Variants in KIF21A observed in about 807,000 individuals in gnomAD.
KIF21A encodes kinesin family member 21A.
A neutral mutation model predicts 202.9 loss-of-function variants in KIF21A; 114 were observed. The observed-to-expected ratio is 0.56, with a 90% CI of 0.48 to 0.66. The LOEUF (loss-of-function observed/expected upper bound fraction) is 0.66, where lower values mean the gene tolerates loss of function less well. KIF21A is among the 30% of genes least tolerant of loss of function. The pLI is 0.00. For missense variants in KIF21A, 1,677 were observed against 1,994.9 expected (o/e 0.84, Z 3.04); for synonymous variants, 667 against 670.8 (o/e 0.99, Z 0.09).
At chr12:39,425,308 TCA>T (rs535568941) in intron 1 of KIF21A, among the ~76,000 whole-genome samples, 333 of 152,332 alleles carry the variant, frequency 2.2e-3, no homozygotes, top group Non-Finnish European at 4.0e-3. Context: ...CTTGTCTTGC[TCA>T]CATCTGTACC....
chr12:39,390,756 CA>C, intron 1 of KIF21A, among the ~76,000 whole-genome samples: 1 of 152,074 alleles, frequency 6.6e-6, no homozygotes, highest in East Asian at 1.9e-4. Context: ...TGGAAAAAAA[CA>C]ACAATATATG....
At chr12:39,425,844 T>G (rs1658096327) in intron 1 of KIF21A, among the ~76,000 whole-genome samples, 1 of 151,854 alleles carries the variant, frequency 6.6e-6, no homozygotes, top group South Asian at 2.1e-4. Flanking sequence ...AGAGCCCATT[T>G]TCCTCAGGAA....
intron 1 of KIF21A, among the ~76,000 whole-genome samples, chr12:39,411,560 T>G (rs1953081152): frequency 6.6e-6 from 1 of 152,216 alleles, no homozygotes; most frequent in East Asian, 1.9e-4. Context: ...AGGGTCTTCC[T>G]CTGTCACCCC....
At chr12:39,323,316 T>C (rs915849731) in intron 26 of KIF21A, among the ~76,000 whole-genome samples, 10 of 150,520 alleles carry the variant, frequency 6.6e-5, no homozygotes, top group African/African-American at 2.2e-4. Flanking sequence ...CCTCAACATA[T>C]AATTAAAAAA....
chr12:39,416,661 A>ATG (rs745853112), intron 1 of KIF21A, among the ~76,000 whole-genome samples: 1 of 103,584 alleles, frequency 9.7e-6, no homozygotes, highest in Non-Finnish European at 1.8e-5. Context: ...ATATATGTGT[A>ATG]TATATATATG....
chr12:39,432,121 C>T (rs187078124), intron 1 of KIF21A, among the ~76,000 whole-genome samples: 3 of 152,236 alleles, frequency 2.0e-5, no homozygotes, highest in African/African-American at 7.2e-5. Flanking sequence ...AAAATAAACA[C>T]CTTAGAAACT....
intron 37 of KIF21A, among the ~76,000 whole-genome samples, chr12:39,299,585 A>G (rs1942766447): frequency 6.6e-6 from 1 of 152,220 alleles, no homozygotes; most frequent in Admixed American, 6.5e-5. Flanking sequence ...CATTTGACTC[A>G]GCAATCTCAT....
At chr12:39,400,718 C>T (rs1429141608) in intron 1 of KIF21A, among the ~76,000 whole-genome samples, 4 of 152,122 alleles carry the variant, frequency 2.6e-5, no homozygotes, top group African/African-American at 7.2e-5. Flanking sequence ...CTGATAGAGT[C>T]AAGAACTATC....
intron 1 of KIF21A, among the ~76,000 whole-genome samples, chr12:39,408,329 T>G (rs1952777509): frequency 6.6e-6 from 1 of 152,098 alleles, no homozygotes; most frequent in African/African-American, 2.4e-5. Flanking sequence ...CCTATGATAA[T>G]TTAATGCCAC....
chr12:39,340,970 T>G lies in KIF21A; in HGVS notation c.2046A>C (p.Leu682=), dbSNP rs1437083572. 1 of 1,613,236 alleles carries G rather than the reference T, an allele frequency of 6.2e-7. No individual in the cohort carries two copies. The highest frequency in any genetic ancestry group is 8.5e-7 in the Non-Finnish European group (1 of 1,179,554). ...CCCGAATTTTATGTTGCAGCATCATTAGCTTCTCTTCATACTGCTTTTTCA... is the reference window on the plus strand; with the variant it reads ...CCCGAATTTTATGTTGCAGCATCATGAGCTTCTCTTCATACTGCTTTTTCA... The part of the protein sequence containing the change: ...QTLKKQYEEK[L]MMLQHKIRDT... Residue 682 remains leucine, a synonymous_variant, in exon 15 of 38, where the codon CTA becomes CTC. Coordinates refer to ENST00000361418, the MANE Select transcript of KIF21A (RefSeq NM_001173464.2).
chr12:39,371,907 C>T lies in KIF21A; in HGVS notation c.45-1646G>A, dbSNP rs546240660. ...CAGCACCACTGCACTCCAGCCTGGG[C>T]GACAGAGTAAGTGAGAATCCGTCTC... On this transcript the variant is annotated intron_variant, in intron 1 of 37. Transcript: ENST00000361418. Among the ~76,000 whole-genome samples the T allele has an allele frequency of 6.8e-5, 10 of 147,772 alleles. No individual in the cohort carries two copies. In the East Asian group the frequency reaches 1.8e-3, roughly 26 times the overall value.
rs764790302 is a variant in KIF21A at position 39,326,298 on chromosome 12, C to T, written c.3367G>A (p.Asp1123Asn). The T allele has an allele frequency of 1.2e-6, 2 of 1,612,232 alleles. No individual in the cohort carries two copies. Among genetic ancestry groups the T allele is most frequent in the Non-Finnish European group, 8.5e-7 (1 of 1,178,550 alleles). ...LENVEDSTDE[D>N]APLNSPGSEG... ...GATCCTGGGCTGTTTAAAGGAGCAT[C>T]CTCATCAGTACTATCCTCTACATTT... Residue 1123 changes from aspartate (D) to asparagine (N), a missense_variant, in exon 25 of 38, where the codon GAT becomes AAT. By Grantham distance (23) the Asp-to-Asn change is conservative (BLOSUM62 1). Transcript: ENST00000361418.
chr12:39,405,064 T>C (rs1249776726), intron 1 of KIF21A, among the ~76,000 whole-genome samples: 2 of 152,106 alleles, frequency 1.3e-5, no homozygotes, highest in Non-Finnish European at 2.9e-5. Flanking sequence ...GGTAAAAATA[T>C]ACTTGAAGGC....
intron 1 of KIF21A, among the ~76,000 whole-genome samples, chr12:39,378,762 A>G (rs1950420667): frequency 6.6e-6 from 1 of 152,190 alleles, no homozygotes; most frequent in African/African-American, 2.4e-5. Flanking sequence ...CCATGGTCAG[A>G]GGTAGGGGAA....
intron 7 of KIF21A, 35 bp from the exon 8 acceptor site, chr12:39,358,408 A>T: frequency 6.5e-7 from 1 of 1,543,720 alleles, no homozygotes; most frequent in East Asian, 2.2e-5. Context: ...GCTTACACAT[A>T]AAAGCACCTA....
At chr12:39,429,826 A>G (rs1383424342) in intron 1 of KIF21A, among the ~76,000 whole-genome samples, 3 of 152,164 alleles carry the variant, frequency 2.0e-5, no homozygotes, top group African/African-American at 7.2e-5. Flanking sequence ...TGGAGAGGGA[A>G]AGAGGAAAAC....
chr12:39,352,956 A>G (rs950325838), intron 10 of KIF21A, among the ~76,000 whole-genome samples: 1 of 152,188 alleles, frequency 6.6e-6, no homozygotes, highest in Non-Finnish European at 1.5e-5. Context: ...CATCAAAAAT[A>G]CAATTATCTA....
At chr12:39,339,845 TTTG>T (rs1483315303) in intron 16 of KIF21A, among the ~76,000 whole-genome samples, 1 of 152,194 alleles carries the variant, frequency 6.6e-6, no homozygotes, top group Non-Finnish European at 1.5e-5. Flanking sequence ...GGATACAGTG[TTTG>T]TTATTATGTA....
intron 1 of KIF21A, among the ~76,000 whole-genome samples, chr12:39,394,807 A>G (rs920702042): frequency 6.6e-6 from 1 of 152,052 alleles, no homozygotes; most frequent in African/African-American, 2.4e-5. Flanking sequence ...CTCCATCCCA[A>G]TCTCTTTTCT....
Sources: allele counts gnomAD v4.1 joint callset (sites outside exome capture counted in the v4.1 genomes callset), GRCh38; gene constraint gnomAD v4.1.1; transcripts MANE v1.5; gene names NCBI Gene and HGNC (gene_info 2026-07-23, HGNC 2026-07-21).